Variants in COL5A2 observed in about 807,000 individuals in gnomAD.
COL5A2 encodes the protein collagen type V alpha 2 chain, also known as collagen alpha-2(V) chain.
Under a neutral mutation model 208.2 loss-of-function variants are expected in COL5A2, and 23 were observed. The observed-to-expected ratio is 0.11, with a 90% CI of 0.08 to 0.16. The LOEUF is 0.16. Among genes scored for constraint, COL5A2 ranks in the 10% least tolerant of loss-of-function variants. COL5A2 has a pLI of 1.00. For missense variants in COL5A2, 1,590 were observed against 1,956.4 expected (o/e 0.81, Z 3.53); for synonymous variants, 625 against 628.5 (o/e 0.99, Z 0.08).
At chr2:189,200,990 TATC>T (rs1689061660) in intron 1 of COL5A2, among the ~76,000 whole-genome samples, 2 of 149,542 alleles carry the variant, frequency 1.3e-5, no homozygotes, top group Non-Finnish European at 3.0e-5. Context: ...ACAAAAGAAA[TATC>T]ATGGAAACCT....
the COL5A2 span, among the ~76,000 whole-genome samples, chr2:189,247,071 G>T: frequency 6.6e-6 from 1 of 151,598 alleles, no homozygotes; most frequent in African/African-American, 2.4e-5. Context: ...TGGAGGAAAC[G>T]TTTCTGTCAG....
At chr2:189,416,459 G>C in the COL5A2 span, among the ~76,000 whole-genome samples, 328 of 152,222 alleles carry the variant, frequency 2.2e-3, 9 homozygotes, top group East Asian at 0.046. Flanking sequence ...ACTATCGCAA[G>C]GACAAAAAAC....
At chr2:189,308,606 T>C in the COL5A2 span, among the ~76,000 whole-genome samples, 1 of 152,154 alleles carries the variant, frequency 6.6e-6, no homozygotes, top group Non-Finnish European at 1.5e-5. Context: ...CTGAAGCTGT[T>C]ACCAGGAGGC....
the COL5A2 span, among the ~76,000 whole-genome samples, chr2:189,316,158 A>G: frequency 6.6e-6 from 1 of 152,180 alleles, no homozygotes; most frequent in African/African-American, 2.4e-5. Context: ...ACACATGCAC[A>G]TGTATGTTCC....
At chr2:189,349,979 G>T in the COL5A2 span, among the ~76,000 whole-genome samples, 1 of 152,096 alleles carries the variant, frequency 6.6e-6, no homozygotes, top group South Asian at 2.1e-4. Flanking sequence ...TGGTTAGATT[G>T]GATCTCATAT....
intron 23 of COL5A2, among the ~76,000 whole-genome samples, 157 bp from the exon 24 acceptor site, chr2:189,065,214 A>G (rs145784784): frequency 7.6e-4 from 116 of 152,360 alleles, no homozygotes; most frequent in Non-Finnish European, 1.5e-3. Context: ...CTCGATGGAA[A>G]AACTTTAAAA....
At chr2:189,416,226 A>T in the COL5A2 span, among the ~76,000 whole-genome samples, 2 of 152,194 alleles carry the variant, frequency 1.3e-5, no homozygotes, top group African/African-American at 4.8e-5. Context: ...TACCCAAAGG[A>T]TTATAAGTCA....
chr2:189,038,214 GT>G (rs1478145024), intron 51 of COL5A2, among the ~76,000 whole-genome samples: 1 of 152,016 alleles, frequency 6.6e-6, no homozygotes, highest in Non-Finnish European at 1.5e-5. Flanking sequence ...AGCCTGCAGT[GT>G]TTATGGTTTC....
chr2:189,064,521 C>A, intron 25 of COL5A2, 36 bp downstream of exon 25: 1 of 1,448,428 alleles, frequency 6.9e-7, no homozygotes, highest in South Asian at 1.1e-5. Context: ...GAGCACTTCT[C>A]CCCTTTGATG....
chr2:189,126,612 C>G (rs184855158), intron 1 of COL5A2, among the ~76,000 whole-genome samples: 44 of 152,028 alleles, frequency 2.9e-4, no homozygotes, highest in Admixed American at 2.8e-3. Flanking sequence ...GCATGTAAGT[C>G]AAATTTAATT....
At chr2:189,052,495 A>T (rs1474928007) in intron 40 of COL5A2, among the ~76,000 whole-genome samples, 1 of 152,200 alleles carries the variant, frequency 6.6e-6, no homozygotes. Flanking sequence ...GTGCTTTCAC[A>T]TTGTTTATTT....
At chr2:189,198,761 G>A (rs1038332284) in intron 1 of COL5A2, among the ~76,000 whole-genome samples, 1 of 151,914 alleles carries the variant, frequency 6.6e-6, no homozygotes, top group African/African-American at 2.4e-5. Context: ...GATATAGTAA[G>A]GTAATAATAA....
rs534249109 is a variant in COL5A2 at position 189,197,211 on chromosome 2, T to C, written c.-42+27937A>G. Among the ~76,000 whole-genome samples, 9 of 152,150 alleles carry C rather than the reference T, an allele frequency of 5.9e-5. No homozygotes were observed. In the East Asian group the frequency reaches 1.7e-3, roughly 29 times the overall value. ...CAGAAAACCAAACACAAGTTCTCAC[T>C]CATAAGTGGGAGTTGAACAATGAGA... On this transcript the variant is annotated intron_variant, in intron 1 of 10. Coordinates refer to the COL5A2 transcript ENST00000649966.
At chr2:189,237,608 T>G in the COL5A2 span, among the ~76,000 whole-genome samples, 3 of 151,822 alleles carry the variant, frequency 2.0e-5, no homozygotes, top group Non-Finnish European at 4.4e-5. Flanking sequence ...AGTAGAACAT[T>G]ACTGTGGTAA....
intron 1 of COL5A2, among the ~76,000 whole-genome samples, chr2:189,219,525 GGAAACT>G (rs1190015460): frequency 1.3e-5 from 2 of 151,998 alleles, no homozygotes; most frequent in Non-Finnish European, 2.9e-5. Context: ...ATGTAAGGGT[GGAAACT>G]GAATGGATTA....
the COL5A2 span, among the ~76,000 whole-genome samples, chr2:189,351,168 C>T: frequency 6.6e-6 from 1 of 152,200 alleles, no homozygotes; most frequent in African/African-American, 2.4e-5. Context: ...GAGTTAACTA[C>T]ACATCCTCTG....
At chr2:189,304,805 A>G in the COL5A2 span, among the ~76,000 whole-genome samples, 1 of 152,222 alleles carries the variant, frequency 6.6e-6, no homozygotes, top group African/African-American at 2.4e-5. Context: ...CTGGTTAAGT[A>G]ATGAAGTAAA....
intron 16 of COL5A2, among the ~76,000 whole-genome samples, chr2:189,077,693 G>A (rs1686440344): frequency 6.6e-6 from 1 of 152,166 alleles, no homozygotes; most frequent in Admixed American, 6.5e-5. Flanking sequence ...ATGGCCTGGT[G>A]AGAGGGTCTT....
chr2:189,166,067 A>C (rs1688457789), intron 1 of COL5A2, among the ~76,000 whole-genome samples: 1 of 152,116 alleles, frequency 6.6e-6, no homozygotes, highest in Non-Finnish European at 1.5e-5. Context: ...GAAATTCACT[A>C]AATAAATCCC....
Sources: gnomAD v4.1 joint callset for allele counts (sites outside exome capture counted in the v4.1 genomes callset) on GRCh38, gnomAD v4.1.1 for gene constraint, MANE v1.5 for transcripts, NCBI Gene and HGNC (gene_info 2026-07-23, HGNC 2026-07-21) for gene names.